ADCY2: variants seen among roughly 807,000 people sequenced by gnomAD.
ADCY2 encodes the protein adenylate cyclase type 2.
In ADCY2, 31 loss-of-function variants were observed where a neutral mutation model predicts 125.2. That is an observed-to-expected ratio of 0.25 (90% CI 0.19 to 0.33). The LOEUF (loss-of-function observed/expected upper bound fraction) is 0.33. Among genes scored for constraint, ADCY2 ranks in the 10% least tolerant of loss-of-function variants. The pLI, the probability that ADCY2 is intolerant of heterozygous loss-of-function variation, is 1.00. For missense variants in ADCY2, 904 were observed against 1,418.2 expected (o/e 0.64, Z 5.82); for synonymous variants, 512 against 548.4 (o/e 0.93, Z 0.93).
intron 3 of ADCY2, among the ~76,000 whole-genome samples, chr5:7,562,392 G>C (rs1735734136): frequency 6.6e-6 from 1 of 152,050 alleles, no homozygotes; most frequent in Non-Finnish European, 1.5e-5. Context: ...CATCCTTATA[G>C]CATCTGATAA....
At chr5:7,765,388 C>T (rs1743346610) in intron 16 of ADCY2, among the ~76,000 whole-genome samples, 3 of 152,122 alleles carry the variant, frequency 2.0e-5, no homozygotes, top group South Asian at 4.1e-4. Flanking sequence ...ATAAGTTTTT[C>T]CAAAATGTTA....
At chr5:7,738,860 C>T (rs4389659) in intron 14 of ADCY2, among the ~76,000 whole-genome samples, 139,812 of 151,934 alleles carry the variant, frequency 0.92, 65,244 homozygotes, top group East Asian at 1. Flanking sequence ...TACCTAATAA[C>T]GGATCTATAA....
At position 7,789,813 on chromosome 5, in the gene ADCY2, G is replaced by C; in HGVS notation, c.2628+13G>C. 6.7e-7 allele frequency: 1 copy of C among 1,488,438 alleles called. No individual in the cohort carries two copies. Among genetic ancestry groups the C allele is most frequent in the Non-Finnish European group, 9.0e-7 (1 of 1,117,226 alleles). 92.2% of individuals were successfully genotyped at this position (1,488,438 alleles called of 1,614,324 possible). A position where few individuals can be genotyped will look rare whatever the true frequency, so the allele number is the denominator to read the frequency against. ...CCTGAAGAATGAGGTCAGACCAGGG[G>C]GGCTGGGGGCTGGGGGAGGGGGCTG... On this transcript the variant is annotated intron_variant, in intron 20 of 24. Transcript: ENST00000338316.
rs3033085 is a variant in ADCY2, at chr5:7,459,772, ATTTTTTTTTTTTTT to A, written c.408+45022_408+45035del. Among the ~76,000 whole-genome samples, 601 of 72,906 alleles carry A rather than the reference ATTTTTTTTTTTTTT, an allele frequency of 8.2e-3. 5 individuals carry two copies. Among genetic ancestry groups the A allele is most frequent in the African/African-American group, 0.034 (557 of 16,392 alleles). 47.8% of individuals were successfully genotyped at this position (72,906 alleles called of 152,430 possible). ...GAACTATCTAGCAGTTTAAGAGGTA[ATTTTTTTTTTTTTT>A]TTTTTTTTTTTTTTTTTTTGACGGG... On this transcript the variant is annotated intron_variant, in intron 2 of 24. Coordinates refer to ENST00000338316, the MANE Select transcript of ADCY2 (RefSeq NM_020546.3).
At chr5:7,653,818 T>C (rs1392443668) in intron 4 of ADCY2, among the ~76,000 whole-genome samples, 1 of 152,166 alleles carries the variant, frequency 6.6e-6, no homozygotes, top group Non-Finnish European at 1.5e-5. Flanking sequence ...GTTTTATGAG[T>C]ATAAAATATT....
chr5:7,782,743 A>G lies in ADCY2; in HGVS notation c.2385-1622A>G, dbSNP rs911100797. On this transcript the variant is annotated intron_variant, in intron 18 of 24. Transcript: ENST00000338316. Reference sequence around the variant, plus strand: ...TGTGGTACCACTTTCACTATTCAATATAGCATGAGCATGGTCAATATAGGG... The same window carrying G: ...TGTGGTACCACTTTCACTATTCAATGTAGCATGAGCATGGTCAATATAGGG... Among the ~76,000 whole-genome samples the G allele has an allele frequency of 2.6e-5, 4 of 152,252 alleles. 1 individual carries two copies. The highest frequency in any genetic ancestry group is 4.8e-5 in the African/African-American group (2 of 41,468).
intron 19 of ADCY2, among the ~76,000 whole-genome samples, chr5:7,786,449 A>G (rs1363957575): frequency 6.6e-6 from 1 of 152,224 alleles, no homozygotes; most frequent in Non-Finnish European, 1.5e-5. Flanking sequence ...TGCATTTTGC[A>G]ACTTATTTTC....
intron 2 of ADCY2, among the ~76,000 whole-genome samples, chr5:7,427,932 G>T (rs1447225400): frequency 6.6e-6 from 1 of 152,128 alleles, no homozygotes; most frequent in Non-Finnish European, 1.5e-5. Context: ...ATGGCTCCTT[G>T]TGCTAAATGC....
intron 7 of ADCY2, among the ~76,000 whole-genome samples, chr5:7,701,748 T>C (rs1741084696): frequency 6.6e-6 from 1 of 152,234 alleles, no homozygotes; most frequent in African/African-American, 2.4e-5. Flanking sequence ...TCATATAATA[T>C]CTTTCCTTTT....
chr5:7,715,451 T>C (rs1400693835), intron 11 of ADCY2, among the ~76,000 whole-genome samples: 1 of 152,026 alleles, frequency 6.6e-6, no homozygotes, highest in African/African-American at 2.4e-5. Context: ...CAAGTCTAGA[T>C]GTGGGACTGA....
chr5:7,749,308 TTAAAG>T lies in ADCY2; in HGVS notation c.1956+5560_1956+5564del, dbSNP rs143394127. Among the ~76,000 whole-genome samples the T allele has an allele frequency of 7.7e-3, 1,166 of 152,336 alleles. 54 individuals are homozygous for T. The East Asian group carries it at 0.13, about 17-fold the overall frequency. On this transcript the variant is annotated intron_variant, in intron 15 of 24. Coordinates refer to ENST00000338316, the MANE Select transcript of ADCY2 (RefSeq NM_020546.3). ...AAGTTAATTTATAATTGTGTTTAGA[TTAAAG>T]TAATCTAGTAAGAAAGTACTCAGTA...
At chr5:7,413,826 C>A (rs185733790) in intron 1 of ADCY2, among the ~76,000 whole-genome samples, 2 of 152,054 alleles carry the variant, frequency 1.3e-5, no homozygotes, top group East Asian at 3.9e-4. Flanking sequence ...AATAGTGGGT[C>A]TTTGTCATGT....
chr5:7,586,544 C>T (rs931228906), intron 3 of ADCY2, among the ~76,000 whole-genome samples: 1 of 152,088 alleles, frequency 6.6e-6, no homozygotes, highest in African/African-American at 2.4e-5. Flanking sequence ...GTTAATTCAA[C>T]CCGTAACATT....
At chr5:7,570,938 A>G (rs1736047463) in intron 3 of ADCY2, among the ~76,000 whole-genome samples, 1 of 152,202 alleles carries the variant, frequency 6.6e-6, no homozygotes, top group Non-Finnish European at 1.5e-5. Flanking sequence ...CAAGGTTTAG[A>G]AACACTCTCC....
At chr5:7,825,346 TAAC>T (rs889569960) in intron 24 of ADCY2, among the ~76,000 whole-genome samples, 3 of 151,788 alleles carry the variant, frequency 2.0e-5, no homozygotes, top group African/African-American at 7.3e-5. Flanking sequence ...CTGTGTGCTG[TAAC>T]AACACTTGTT....
At chr5:7,664,226 G>A (rs1433869747) in intron 4 of ADCY2, among the ~76,000 whole-genome samples, 1 of 152,158 alleles carries the variant, frequency 6.6e-6, no homozygotes, top group East Asian at 1.9e-4. Flanking sequence ...TAGCCTAAAG[G>A]ACATAGCCAC....
chr5:7,743,417 C>G (rs1033480438), intron 14 of ADCY2, among the ~76,000 whole-genome samples: 1 of 151,316 alleles, frequency 6.6e-6, no homozygotes, highest in Non-Finnish European at 1.5e-5. Flanking sequence ...GATTCTTTAT[C>G]CTTCATAAAG....
intron 19 of ADCY2, 137 bp from the exon 20 acceptor site, chr5:7,789,505 A>T (rs1744188316): frequency 2.6e-6 from 2 of 780,658 alleles, no homozygotes; most frequent in East Asian, 2.6e-5. Flanking sequence ...AGAGGGCTTT[A>T]TGGGGAGGGT....
chr5:7,580,604 C>T (rs567481887), intron 3 of ADCY2, among the ~76,000 whole-genome samples: 1 of 151,960 alleles, frequency 6.6e-6, no homozygotes, highest in Non-Finnish European at 1.5e-5. Context: ...TGATAAAAAG[C>T]CTAACATATT....
Sources: gnomAD v4.1 joint callset for allele counts (sites outside exome capture counted in the v4.1 genomes callset) on GRCh38, gnomAD v4.1.1 for gene constraint, MANE v1.5 for transcripts, NCBI Gene and HGNC (gene_info 2026-07-23, HGNC 2026-07-21) for gene names.